Variants in TBRG1 observed in about 807,000 individuals in gnomAD.
The protein encoded by TBRG1 is transforming growth factor beta regulator 1.
Under a neutral mutation model 44.0 loss-of-function variants are expected in TBRG1, and 31 were observed. That is an observed-to-expected ratio of 0.70 (90% CI 0.53 to 0.95). The LOEUF (loss-of-function observed/expected upper bound fraction) is 0.95. Among genes scored for constraint, TBRG1 ranks in the 40% least tolerant of loss-of-function variants. The pLI, the probability that TBRG1 is intolerant of heterozygous loss-of-function variation, is 0.00. For synonymous variants in TBRG1, 171 were observed against 188.1 expected (o/e 0.91, Z 0.74); for missense variants, 487 against 496.1 (o/e 0.98, Z 0.18).
chr11:124,630,874 A>G lies in TBRG1; in HGVS notation c.947+19A>G, dbSNP rs1233884772. ...GCATCAAGTAAGTGTGATCAAATTC[A>G]TTCCCTTGAGAAAAGCTCAGTGATC... On this transcript the variant is annotated intron_variant, in intron 7 of 8. Coordinates refer to ENST00000441174, the MANE Select transcript of TBRG1 (RefSeq NM_032811.3). 5 of 1,495,006 alleles carry G rather than the reference A, an allele frequency of 3.3e-6. No homozygotes were observed. In the Admixed American group the frequency reaches 9.5e-5, roughly 28 times the overall value. 92.6% of individuals were successfully genotyped at this position (1,495,006 alleles called of 1,614,324 possible).
Position 124,622,937 on chromosome 11 carries a change from G to A in TBRG1, c.-147G>A. ...GGTTGCGGGTGTCTCTGGCCCTGCG[G>A]TCAGCCCTGGGAACGTCCCGGAGAG... On this transcript the variant is annotated 5_prime_UTR_variant, in exon 1 of 9. Coordinates refer to ENST00000441174, the MANE Select transcript of TBRG1 (RefSeq NM_032811.3). The A allele has an allele frequency of 1.1e-6, 1 of 890,172 alleles. No individual in the cohort carries two copies. Among genetic ancestry groups the A allele is most frequent in the Non-Finnish European group, 1.6e-6 (1 of 608,128 alleles). The allele number at this position is 890,172 out of a possible 1,614,324, so 55.1% of individuals were successfully genotyped here.
intron 5 of TBRG1, 101 bp downstream of exon 5, chr11:124,627,151 C>T: frequency 2.3e-6 from 2 of 874,370 alleles, no homozygotes; most frequent in Non-Finnish European, 3.6e-6. Context: ...TATGTATAAT[C>T]ACCATTTGGG....
intron 4 of TBRG1, 26 bp downstream of exon 4, chr11:124,626,635 G>C: frequency 6.4e-7 from 1 of 1,551,280 alleles, no homozygotes; most frequent in Non-Finnish European, 8.7e-7. Flanking sequence ...GATATATAGA[G>C]AGGAGAATCA....
Position 124,630,385 on chromosome 11 carries a change from C to G in TBRG1, c.739-3C>G. On this transcript the variant is annotated splice_polypyrimidine_tract_variant and splice_region_variant and intron_variant, in intron 5 of 8. Coordinates refer to ENST00000441174, the MANE Select transcript of TBRG1 (RefSeq NM_032811.3). The stretch of plus-strand genomic sequence containing the variant: ...GATCTCATTGCTCGTTTGTCTTTCT[C>G]AGTTTGAAATTGTTCCTGAAGATGA... 6.2e-7 allele frequency: 1 copy of G among 1,605,108 alleles called. No homozygotes were observed. The highest frequency in any genetic ancestry group is 8.5e-7 in the Non-Finnish European group (1 of 1,171,854).
rs1942633872 is a variant in TBRG1, at chr11:124,632,300, T to G, written c.*62T>G. 8.5e-6 allele frequency: 13 copies of G among 1,529,406 alleles called. 1 individual carries two copies. The South Asian group carries it at 1.5e-4, about 18-fold the overall frequency. The allele number at this position is 1,529,406 out of a possible 1,614,324, so 94.7% of individuals were successfully genotyped here. A position where few individuals can be genotyped will look rare whatever the true frequency, so the allele number is the denominator to read the frequency against. On this transcript the variant is annotated 3_prime_UTR_variant, in exon 9 of 9. Transcript: ENST00000441174. ...GATTAATTTAACTTAAACTAAAATT[T>G]TGGGTATATGAAAGAAGGCAGCAAT...
rs143597319 is a variant in TBRG1, at chr11:124,624,451, G to C, written c.151-480G>C. 1.8e-3 allele frequency among the ~76,000 whole-genome samples: 275 copies of C among 150,956 alleles called. 1 individual carries two copies. Among genetic ancestry groups the C allele is most frequent in the Middle Eastern group, 0.01 (3 of 290 alleles). On this transcript the variant is annotated intron_variant, in intron 1 of 8. Transcript: ENST00000441174. ...TTTAAGAATTTTACACACTAAATTTGATTTTGTTCTGTCCAGTTTTTCTCT... is the reference window on the plus strand; with the variant it reads ...TTTAAGAATTTTACACACTAAATTTCATTTTGTTCTGTCCAGTTTTTCTCT...
intron 7 of TBRG1, 35 bp from the exon 8 acceptor site, chr11:124,631,240 A>G (rs1942603576): frequency 6.5e-7 from 1 of 1,528,256 alleles, no homozygotes; most frequent in Admixed American, 2.2e-5. Flanking sequence ...TGTCTAGCAG[A>G]TAACTCTCAA....
At chr11:124,626,266 A>G (rs989264221) in intron 3 of TBRG1, among the ~76,000 whole-genome samples, 3 of 152,234 alleles carry the variant, frequency 2.0e-5, no homozygotes, top group Non-Finnish European at 2.9e-5. Context: ...AAGAGGCCTT[A>G]AAAAGTATAA....
rs1942681230 is a variant in TBRG1, at chr11:124,634,578, TAACTG to T, written c.*2341_*2345del. 1 of 152,170 alleles carries T rather than the reference TAACTG, an allele frequency of 6.6e-6. No homozygotes were observed. Among genetic ancestry groups the T allele is most frequent in the Non-Finnish European group, 1.5e-5 (1 of 68,024 alleles). The allele number at this position is 152,170 out of a possible 1,614,324, so 9.4% of individuals were successfully genotyped here. A position where few individuals can be genotyped will look rare whatever the true frequency, so the allele number is the denominator to read the frequency against. The stretch of plus-strand genomic sequence containing the variant: ...CTTCCATGTTAAGAACCCTAAGAAA[TAACTG>T]GACGAGTGTGGTATGATGTTTGCAT... On this transcript the variant is annotated 3_prime_UTR_variant, in exon 9 of 9. Transcript: ENST00000441174.
intron 4 of TBRG1, 131 bp downstream of exon 4, chr11:124,626,740 C>A: frequency 7.0e-7 from 1 of 1,428,220 alleles, no homozygotes; most frequent in South Asian, 1.2e-5. Context: ...TCTCCAGTCC[C>A]TGCAAAACCA....
In TBRG1 at chr11:124,628,069, A is replaced by T. The variant is rs1008937980; in HGVS notation, c.738+1019A>T. On this transcript the variant is annotated intron_variant, in intron 5 of 8. Transcript: ENST00000441174. ...AACTAACGTCAAGTAGCTGTTTTAT[A>T]TATATATATATATATATATATATAT... is the stretch of plus-strand genomic sequence containing the variant. Among the ~76,000 whole-genome samples the T allele has an allele frequency of 9.1e-4, 29 of 31,954 alleles. No homozygotes were observed. In the South Asian group the frequency reaches 0.015, roughly 16 times the overall value. 21.0% of individuals were successfully genotyped at this position (31,954 alleles called of 152,430 possible).
chr11:124,628,533 A>C (rs1174046088), intron 5 of TBRG1, among the ~76,000 whole-genome samples: 1 of 150,274 alleles, frequency 6.7e-6, no homozygotes, highest in Admixed American at 6.7e-5. Flanking sequence ...TAAAAAAAAA[A>C]AAAAAAAACC....
At chr11:124,630,918 A>C (rs548120254) in intron 7 of TBRG1, 63 bp downstream of exon 7, 16 of 1,201,872 alleles carry the variant, frequency 1.3e-5, no homozygotes, top group Non-Finnish European at 1.9e-5. Flanking sequence ...AGGGACTGGC[A>C]GTTCCTACTT....
At chr11:124,631,689 G>A (rs1942613830) in intron 8 of TBRG1, 2 of 506,628 alleles carry the variant, frequency 3.9e-6, no homozygotes. Flanking sequence ...AGCAAGACTG[G>A]AGCAGAACAC....
At chr11:124,630,583 T>C (rs1300616019) in intron 6 of TBRG1, 98 bp downstream of exon 6, 5 of 1,086,080 alleles carry the variant, frequency 4.6e-6, no homozygotes, top group Non-Finnish European at 7.1e-6. Context: ...CTTTATTTTA[T>C]AGAAACCTAT....
intron 1 of TBRG1, among the ~76,000 whole-genome samples, chr11:124,623,973 A>G (rs1345043337): frequency 1.3e-5 from 2 of 152,224 alleles, no homozygotes; most frequent in African/African-American, 4.8e-5. Flanking sequence ...TCTTCTCTCT[A>G]CCAAAAGCTT....
rs1025964994 is a variant in TBRG1 at position 124,631,096 on chromosome 11, G to A, written c.948-179G>A. The A allele has an allele frequency of 1.0e-4, 67 of 665,154 alleles. No individual in the cohort carries two copies. In the African/African-American group the frequency reaches 1.1e-3, roughly 11 times the overall value. The allele number at this position is 665,154 out of a possible 1,614,324, so 41.2% of individuals were successfully genotyped here. On this transcript the variant is annotated intron_variant, in intron 7 of 8. Coordinates refer to ENST00000441174, the MANE Select transcript of TBRG1 (RefSeq NM_032811.3). ...GACAGCAAAAGGGGTGGGAAATCTA[G>A]CAGACTAATTTGTCACTAAAGAGGC...
intron 1 of TBRG1, 110 bp from the exon 2 acceptor site, chr11:124,624,821 C>A: frequency 1.4e-6 from 1 of 731,940 alleles, no homozygotes; most frequent in Non-Finnish European, 2.3e-6. Context: ...ATAGCTCCTT[C>A]TTCTCAGTAA....
intron 5 of TBRG1, among the ~76,000 whole-genome samples, chr11:124,629,350 AAAAAG>A (rs766763854): frequency 1.3e-5 from 2 of 152,100 alleles, no homozygotes; most frequent in African/African-American, 2.4e-5. Context: ...AAAAAAAAAG[AAAAAG>A]AAAAAAGAAA....
Sources: gnomAD v4.1 joint callset for allele counts (sites outside exome capture counted in the v4.1 genomes callset) on GRCh38, gnomAD v4.1.1 for gene constraint, MANE v1.5 for transcripts, NCBI Gene and HGNC (gene_info 2026-07-23, HGNC 2026-07-21) for gene names.